SMG6: variants seen among roughly 807,000 people sequenced by gnomAD.
SMG6 encodes telomerase-binding protein EST1A.
SMG6 carries 66 observed loss-of-function variants against 142.2 expected under a neutral mutation model. The observed-to-expected ratio is 0.46, with a 90% CI of 0.38 to 0.57. The LOEUF is 0.57. Among genes scored for constraint, SMG6 ranks in the 20% least tolerant of loss-of-function variants. SMG6 has a pLI of 0.00. For missense variants in SMG6, 1,793 were observed against 1,832.0 expected, an observed-to-expected ratio of 0.98 and a Z score of 0.39; for synonymous variants, 779 against 702.4, an observed-to-expected ratio of 1.11 and a Z score of -1.72.
In SMG6 at chr17:2,286,822, C is replaced by A. The variant is rs1396132320; in HGVS notation, c.2338-3087G>T. On this transcript the variant is annotated intron_variant, in intron 6 of 18. Coordinates refer to ENST00000263073, the MANE Select transcript of SMG6 (RefSeq NM_017575.5). Reference sequence around the variant, plus strand: ...CTCAGCAGAATGAAAAGACAATCCACAAAATGGAAGAAAATGTTTGCAAAT... The same window carrying A: ...CTCAGCAGAATGAAAAGACAATCCAAAAAATGGAAGAAAATGTTTGCAAAT... Among the ~76,000 whole-genome samples the A allele has an allele frequency of 2.0e-5, 3 of 150,648 alleles. No individual in the cohort carries two copies. In the East Asian group the frequency reaches 5.8e-4, roughly 29 times the overall value.
chr17:2,121,647 A>G (rs1002316380), intron 13 of SMG6, among the ~76,000 whole-genome samples: 13 of 122,472 alleles, frequency 1.1e-4, no homozygotes, highest in Admixed American at 7.5e-4. Context: ...GTGTGTGTGT[A>G]GAGAGAGAGA....
chr17:2,239,958 C>CT (rs1417235276), intron 9 of SMG6: 1 of 152,184 alleles, frequency 6.6e-6, no homozygotes, highest in Non-Finnish European at 1.5e-5. Context: ...CAAAAGCATA[C>CT]TATTTGTCAC....
chr17:2,102,337 A>T (rs1326388233), intron 13 of SMG6, among the ~76,000 whole-genome samples: 2 of 151,994 alleles, frequency 1.3e-5, no homozygotes, highest in Admixed American at 1.3e-4. Context: ...GTGGTGAGAA[A>T]ATTTGAAATT....
intron 13 of SMG6, among the ~76,000 whole-genome samples, chr17:2,133,436 T>C (rs768010649): frequency 1.3e-5 from 2 of 152,168 alleles, no homozygotes; most frequent in Non-Finnish European, 2.9e-5. Context: ...AGCGCTAGAC[T>C]AAATATCAAA....
chr17:2,125,225 C>T (rs2069833252), intron 13 of SMG6, among the ~76,000 whole-genome samples: 2 of 152,160 alleles, frequency 1.3e-5, no homozygotes, highest in Admixed American at 6.5e-5. Flanking sequence ...AGACTTGTAG[C>T]CCTCTCATAT....
rs112767490 is a variant in SMG6, at chr17:2,282,552, T to A, written c.2661+95A>T. 3.0e-5 allele frequency: 37 copies of A among 1,229,260 alleles called. 1 individual carries two copies. The highest frequency in any genetic ancestry group is 2.4e-4 in the African/African-American group (16 of 67,308). The allele number at this position is 1,229,260 out of a possible 1,614,324, so 76.1% of individuals were successfully genotyped here. On this transcript the variant is annotated intron_variant, in intron 8 of 18. Coordinates refer to ENST00000263073, the MANE Select transcript of SMG6 (RefSeq NM_017575.5). ...CTCAAGTGGTTTGTCTTCCTTGCAA[T>A]CAGTGGGAAGTATCTGTGCCTCACA... is the stretch of plus-strand genomic sequence containing the variant.
intron 14 of SMG6, among the ~76,000 whole-genome samples, chr17:2,084,374 C>A (rs1275529183): frequency 1.3e-5 from 2 of 152,228 alleles, no homozygotes; most frequent in Non-Finnish European, 2.9e-5. Context: ...CCATTATTCT[C>A]TGCCCAGGTT....
rs2071183217 is a variant in SMG6, at chr17:2,161,643, A to T, written c.3357+11015T>A. 4.6e-5 allele frequency among the ~76,000 whole-genome samples: 7 copies of T among 151,432 alleles called. No individual in the cohort carries two copies. The South Asian group carries it at 1.3e-3, about 27-fold the overall frequency. On this transcript the variant is annotated intron_variant, in intron 13 of 18. Transcript: ENST00000263073. ...CTCTTATATTTTTGCCCTTGAACACACCTCCTAAATGATGTAGATAAGACT... is the reference window on the plus strand; with the variant it reads ...CTCTTATATTTTTGCCCTTGAACACTCCTCCTAAATGATGTAGATAAGACT...
In SMG6 at chr17:2,140,351, C is replaced by T. The variant is rs577292545; in HGVS notation, c.3357+32307G>A. On this transcript the variant is annotated intron_variant, in intron 13 of 18. Transcript: ENST00000263073. Reference sequence around the variant, plus strand: ...GGGTTACAGGCGTAAGCCACTGCACCTGGCCTGACACTTTATTTTTTTAAA... The same window carrying T: ...GGGTTACAGGCGTAAGCCACTGCACTTGGCCTGACACTTTATTTTTTTAAA... Among the ~76,000 whole-genome samples, 253 of 152,362 alleles carry T rather than the reference C, an allele frequency of 1.7e-3. 5 individuals are homozygous for T. The South Asian group carries it at 0.052, about 31-fold the overall frequency.
chr17:2,299,064 G>C lies in SMG6; in HGVS notation c.1689C>G (p.Thr563=), dbSNP rs772095534. The change falls in exon 2 of 19, where the codon ACC becomes ACG. Residue 563 remains threonine (T), a synonymous_variant. Transcript: ENST00000263073. The surrounding 1 kb of genome is among the most constrained non-coding windows in gnomAD (Gnocchi z 4.3). ...QYVCSPLPTS[T]MSPEEVEQHM... ...GCTGCTCTACCTCCTCGGGACTCATGGTGCTGGTAGGTAGAGGGCTACACA... is the reference window on the plus strand; with the variant it reads ...GCTGCTCTACCTCCTCGGGACTCATCGTGCTGGTAGGTAGAGGGCTACACA... The C allele has an allele frequency of 3.1e-6, 5 of 1,614,172 alleles. No homozygotes were observed. Among genetic ancestry groups the C allele is most frequent in the Non-Finnish European group, 3.4e-6 (4 of 1,180,036 alleles).
At chr17:2,095,375 C>A (rs541854146) in intron 13 of SMG6, among the ~76,000 whole-genome samples, 1 of 152,326 alleles carries the variant, frequency 6.6e-6, no homozygotes, top group Admixed American at 6.5e-5. Flanking sequence ...GGCTCCTTTA[C>A]CAAATTTGCT....
At chr17:2,086,310 C>G (rs1391854190) in intron 13 of SMG6, among the ~76,000 whole-genome samples, 1 of 152,166 alleles carries the variant, frequency 6.6e-6, no homozygotes, top group African/African-American at 2.4e-5. Flanking sequence ...TGCCACTCTC[C>G]ACTCCTCTCC....
At chr17:2,173,563 C>A (rs2071569542) in intron 12 of SMG6, among the ~76,000 whole-genome samples, 1 of 152,272 alleles carries the variant, frequency 6.6e-6, no homozygotes, top group South Asian at 2.1e-4. Flanking sequence ...ATCAACTATT[C>A]CGGTTTGTGT....
intron 12 of SMG6, among the ~76,000 whole-genome samples, chr17:2,178,364 G>A (rs1376913266): frequency 6.6e-6 from 1 of 152,198 alleles, no homozygotes; most frequent in Non-Finnish European, 1.5e-5. Context: ...AAGAATAAGA[G>A]ATGTTTGCTG....
At chr17:2,219,654 T>C (rs2073116406) in intron 10 of SMG6, among the ~76,000 whole-genome samples, 1 of 151,636 alleles carries the variant, frequency 6.6e-6, no homozygotes, top group South Asian at 2.1e-4. Flanking sequence ...ATGGGCGTGG[T>C]AGCACGTGCC....
intron 15 of SMG6, 130 bp downstream of exon 15, chr17:2,081,680 G>A (rs1018292086): frequency 1.1e-4 from 125 of 1,113,874 alleles, no homozygotes; most frequent in Non-Finnish European, 1.5e-4. Flanking sequence ...AAAACGGGTA[G>A]AGCTAGAGAG....
At chr17:2,212,773 G>T (rs2072902783) in intron 10 of SMG6, 1 of 152,186 alleles carries the variant, frequency 6.6e-6, no homozygotes, top group Non-Finnish European at 1.5e-5. Context: ...TAAGTGACAT[G>T]TTTCAAAATT....
At position 2,299,502 on chromosome 17, in the gene SMG6, T is replaced by C. The variant is rs1459499618; in HGVS notation, c.1251A>G (p.Leu417=). 2.5e-6 allele frequency: 4 copies of C among 1,614,088 alleles called. No individual in the cohort carries two copies. The highest frequency in any genetic ancestry group is 3.4e-6 in the Non-Finnish European group (4 of 1,180,008). ...CTGGAGAACCTGCTGAATTGACAGATAGGGTGGTATGGGCAGGCAAAATCA... is the reference window on the plus strand; with the variant it reads ...CTGGAGAACCTGCTGAATTGACAGACAGGGTGGTATGGGCAGGCAAAATCA... ...GILILPAHTT[L]SVNSAGSPES... is the part of the protein sequence containing the mutation. The change falls in exon 2 of 19, where the codon CTA becomes CTG. Residue 417 remains leucine (L), a synonymous_variant. Coordinates refer to ENST00000263073, the MANE Select transcript of SMG6 (RefSeq NM_017575.5). The surrounding 1 kb of genome is among the most constrained non-coding windows in gnomAD (Gnocchi z 4.3).
intron 8 of SMG6, among the ~76,000 whole-genome samples, chr17:2,258,688 C>T (rs1297265171): frequency 1.3e-5 from 2 of 151,158 alleles, no homozygotes; most frequent in Non-Finnish European, 2.9e-5. Flanking sequence ...GTCCCAGCTA[C>T]TCTATGGGCT....
Sources: allele counts gnomAD v4.1 joint callset (sites outside exome capture counted in the v4.1 genomes callset), GRCh38; gene constraint gnomAD v4.1.1; non-coding constraint Gnocchi (gnomAD v3.1); transcripts MANE v1.5; gene names NCBI Gene and HGNC (gene_info 2026-07-23, HGNC 2026-07-21).